The following AOPEP variants were observed in gnomAD, a reference collection of about 807,000 sequenced individuals.
AOPEP encodes aminopeptidase O (putative).
In AOPEP, 77 loss-of-function variants were observed where a neutral mutation model predicts 98.1. That is an observed-to-expected ratio of 0.78 (90% CI 0.65 to 0.95). The LOEUF is 0.95. Among genes scored for constraint, AOPEP ranks in the 40% least tolerant of loss-of-function variants. The pLI is 0.00. For synonymous variants in AOPEP, 346 were observed against 365.3 expected (o/e 0.95, Z 0.60); for missense variants, 1,024 against 1,024.7 (o/e 1.00, Z 0.01).
Position 94,759,806 on chromosome 9 carries a change from C to T in AOPEP, c.23C>T (p.Ala8Val). The T allele has an allele frequency of 6.2e-7, 1 of 1,613,978 alleles. No individual in the cohort carries two copies. The change falls in exon 2 of 17, where the codon GCC (alanine) becomes GTC (valine). Residue 8 changes from alanine to valine, a missense_variant. Ala to Val is a moderately conservative substitution (Grantham distance 64). Around this residue, in one of 3 missense-constraint regions of AOPEP, gnomAD observed 440 missense variants for 433.8 expected, o/e 1.01. Coordinates refer to ENST00000375315, the MANE Select transcript of AOPEP (RefSeq NM_001193329.3). The part of the protein sequence containing the change: MDIQLDP[A>V]RDDLPLMANT... ...ATCATGGACATACAGCTGGACCCTG[C>T]CAGAGATGACCTGCCTCTCATGGCC...
intron 13 of AOPEP, among the ~76,000 whole-genome samples, chr9:95,039,376 G>A (rs2065097635): frequency 1.3e-5 from 2 of 152,078 alleles, no homozygotes; most frequent in Admixed American, 1.3e-4. Context: ...AGACAAGCCT[G>A]GGCAACATGG....
intron 1 of AOPEP, among the ~76,000 whole-genome samples, chr9:94,733,718 A>G (rs902671781): frequency 6.6e-6 from 1 of 152,234 alleles, no homozygotes; most frequent in Middle Eastern, 3.2e-3. Flanking sequence ...GTTTAAATTT[A>G]AAAGATGATT....
chr9:95,116,613 G>C, the AOPEP span, among the ~76,000 whole-genome samples: 1 of 152,202 alleles, frequency 6.6e-6, no homozygotes, highest in Admixed American at 6.5e-5. Context: ...GGCGCAGTCT[G>C]TGCCCATGTC....
chr9:94,879,050 T>A (rs924785208), intron 5 of AOPEP, among the ~76,000 whole-genome samples: 3 of 152,228 alleles, frequency 2.0e-5, no homozygotes, highest in Admixed American at 6.5e-5. Flanking sequence ...CAAGATCAGA[T>A]GAGCCAGTTT....
At chr9:95,075,145 G>T (rs2068916809) in intron 14 of AOPEP, among the ~76,000 whole-genome samples, 1 of 152,168 alleles carries the variant, frequency 6.6e-6, no homozygotes, top group African/African-American at 2.4e-5. Flanking sequence ...GTCTGGGTCT[G>T]TGTAGGGCTG....
At chr9:95,121,328 G>C in the AOPEP span, among the ~76,000 whole-genome samples, 1 of 152,106 alleles carries the variant, frequency 6.6e-6, no homozygotes, top group Non-Finnish European at 1.5e-5. Flanking sequence ...AACAGAACAG[G>C]GACAAGAGGA....
intron 9 of AOPEP, among the ~76,000 whole-genome samples, chr9:94,957,241 T>C (rs1162655137): frequency 1.3e-5 from 2 of 152,212 alleles, no homozygotes; most frequent in African/African-American, 2.4e-5. Flanking sequence ...CAGATTCTCC[T>C]CTGTCGCCTA....
chr9:94,798,167 G>A (rs1049659988), intron 4 of AOPEP, among the ~76,000 whole-genome samples: 3 of 152,196 alleles, frequency 2.0e-5, no homozygotes, highest in Non-Finnish European at 4.4e-5. Flanking sequence ...TGATCCCTAT[G>A]TGGGAACGCA....
At chr9:94,869,971 A>ATTTTTTTTTTTTT (rs10556167) in intron 5 of AOPEP, among the ~76,000 whole-genome samples, 1 of 93,570 alleles carries the variant, frequency 1.1e-5, no homozygotes, top group Non-Finnish European at 2.1e-5. Flanking sequence ...GAAGCCATGA[A>ATTTTTTTTTTTTT]TTTTTTTTTT....
At chr9:94,869,017 T>C (rs564492285) in intron 5 of AOPEP, among the ~76,000 whole-genome samples, 2 of 152,102 alleles carry the variant, frequency 1.3e-5, no homozygotes, top group African/African-American at 4.8e-5. Context: ...TCACTTGAGG[T>C]CAGGAGTTCG....
At chr9:95,077,460 C>G (rs955135757) in intron 14 of AOPEP, among the ~76,000 whole-genome samples, 17 of 152,194 alleles carry the variant, frequency 1.1e-4, no homozygotes, top group African/African-American at 4.1e-4. Context: ...CCCACTGGTG[C>G]CAGGCACCGT....
In AOPEP at chr9:95,051,320, C is replaced by T. The variant is rs188158225; in HGVS notation, c.2116-9374C>T. Among the ~76,000 whole-genome samples the T allele has an allele frequency of 9.7e-3, 1,473 of 152,024 alleles. 16 individuals carry two copies. The highest frequency in any genetic ancestry group is 0.013 in the Non-Finnish European group (861 of 67,972). ...GGCCAGGATGGTCTCGATCTCTTGA[C>T]CTTGTGATCTATCTGCCTCGGCCTC... On this transcript the variant is annotated intron_variant, in intron 13 of 16. Transcript: ENST00000375315.
At chr9:94,756,385 A>G (rs1010554474) in intron 1 of AOPEP, among the ~76,000 whole-genome samples, 1 of 151,978 alleles carries the variant, frequency 6.6e-6, no homozygotes, top group South Asian at 2.1e-4. Context: ...GCAACATGGC[A>G]AGACCTCGTC....
downstream of AOPEP, among the ~76,000 whole-genome samples, chr9:95,089,051 TC>T (rs1325002506): frequency 3.9e-5 from 6 of 152,172 alleles, no homozygotes; most frequent in African/African-American, 1.4e-4. Context: ...GGCAGGAGGC[TC>T]CCCGAGGCTC....
chr9:95,128,970 T>C, the AOPEP span, among the ~76,000 whole-genome samples: 1 of 151,992 alleles, frequency 6.6e-6, no homozygotes, highest in African/African-American at 2.4e-5. Flanking sequence ...AGTGGTGATC[T>C]TGGCTCACTG....
intron 9 of AOPEP, among the ~76,000 whole-genome samples, chr9:94,961,645 T>C (rs2058850176): frequency 6.6e-6 from 1 of 152,254 alleles, no homozygotes; most frequent in Non-Finnish European, 1.5e-5. Context: ...TTTCATTTTG[T>C]TGTTTTGTCA....
At chr9:94,987,133 A>AT (rs1328687715) in intron 11 of AOPEP, among the ~76,000 whole-genome samples, 1 of 152,246 alleles carries the variant, frequency 6.6e-6, no homozygotes, top group Non-Finnish European at 1.5e-5. Flanking sequence ...ACTGTGGATG[A>AT]TTCAAAGATG....
intron 1 of AOPEP, among the ~76,000 whole-genome samples, chr9:94,731,066 C>T (rs1830408548): frequency 6.6e-6 from 1 of 152,136 alleles, no homozygotes; most frequent in Non-Finnish European, 1.5e-5. Context: ...AGCAGCAGGA[C>T]AGCCTCAGAG....
Position 94,992,736 on chromosome 9 carries a change from G to A in AOPEP, c.1978-12422G>A, listed in dbSNP as rs1018561314. 3.9e-5 allele frequency among the ~76,000 whole-genome samples: 6 copies of A among 152,204 alleles called. 1 individual carries two copies. Among genetic ancestry groups the A allele is most frequent in the African/African-American group, 1.2e-4 (5 of 41,452 alleles). ...GTAAGGGGAGCTGGCCTGGGTGAAGGCACTCTGGGCTGCGTCCGGTGCCGT... is the reference window on the plus strand; with the variant it reads ...GTAAGGGGAGCTGGCCTGGGTGAAGACACTCTGGGCTGCGTCCGGTGCCGT... On this transcript the variant is annotated intron_variant, in intron 11 of 16. Transcript: ENST00000375315.
Sources: gnomAD v4.1 joint callset for allele counts (sites outside exome capture counted in the v4.1 genomes callset) on GRCh38, gnomAD v4.1.1 for gene constraint, gnomAD v4.1.1 regional missense constraint, MANE v1.5 for transcripts, NCBI Gene and HGNC (gene_info 2026-07-23, HGNC 2026-07-21) for gene names.